Variants in ATOSB observed in about 807,000 individuals in gnomAD.
ATOSB encodes atos homolog protein B.
chr9:35,105,725 C>T, the ATOSB span: 4 of 1,614,062 alleles, frequency 2.5e-6, no homozygotes, highest in South Asian at 4.4e-5. The surrounding 1 kb of genome is among the most constrained non-coding windows in gnomAD (Gnocchi z 5.5). Context: ...GTGGGGTTAG[C>T]ATTTCCCTCC....
the ATOSB span, chr9:35,106,003 C>G: frequency 4.1e-5 from 66 of 1,613,200 alleles, no homozygotes; most frequent in Non-Finnish European, 5.6e-5. The surrounding 1 kb of genome is among the most constrained non-coding windows in gnomAD (Gnocchi z 4.6). Flanking sequence ...TTCAGATCCA[C>G]GATGCCCTGG....
the ATOSB span, chr9:35,110,812 C>T: frequency 6.6e-6 from 1 of 152,250 alleles, no homozygotes; most frequent in Non-Finnish European, 1.5e-5. Context: ...GGCTCATTCT[C>T]CCCTTCCCTT....
the ATOSB span, among the ~76,000 whole-genome samples, chr9:35,113,876 A>G: frequency 1.3e-5 from 2 of 152,168 alleles, no homozygotes; most frequent in East Asian, 3.9e-4. Context: ...TTCAATAAAC[A>G]TTGACTGAAG....
At chr9:35,107,340 A>AAC in the ATOSB span, 1 of 1,566,116 alleles carries the variant, frequency 6.4e-7, no homozygotes, top group Non-Finnish European at 8.6e-7. Context: ...AAAAAAAAAA[A>AAC]AAAGTAAAAA....
the ATOSB span, among the ~76,000 whole-genome samples, chr9:35,114,469 T>A: frequency 2.0e-5 from 3 of 150,620 alleles, no homozygotes; most frequent in Admixed American, 6.6e-5. Context: ...GTCACACTCA[T>A]TTAGCCACTG....
At chr9:35,104,891 A>G in the ATOSB span, 1 of 207,400 alleles carries the variant, frequency 4.8e-6, no homozygotes, top group Non-Finnish European at 9.6e-6. Flanking sequence ...TAAATAAAAT[A>G]ACAAGTGGCC....
the ATOSB span, chr9:35,108,526 G>A: frequency 8.1e-7 from 1 of 1,232,670 alleles, no homozygotes; most frequent in African/African-American, 1.6e-5. Context: ...CAGAACTCCT[G>A]AGAGGGTGAC....
chr9:35,106,149 T>A, the ATOSB span: 1 of 1,544,994 alleles, frequency 6.5e-7, no homozygotes, highest in Non-Finnish European at 8.8e-7. This position sits in a 1 kb window ranked among gnomAD's most constrained non-coding sequence, Gnocchi z 4.6. Context: ...CCTGACTCAC[T>A]TCTAGGTGAG....
At chr9:35,107,778 C>T in the ATOSB span, 1 of 1,564,432 alleles carries the variant, frequency 6.4e-7, no homozygotes, top group Non-Finnish European at 8.7e-7. Flanking sequence ...CCCCTGTCCC[C>T]CTGGATCTGG....
the ATOSB span, chr9:35,106,842 C>T: frequency 8.7e-5 from 136 of 1,569,552 alleles, no homozygotes; most frequent in Non-Finnish European, 1.1e-4. This position sits in a 1 kb window ranked among gnomAD's most constrained non-coding sequence, Gnocchi z 4.6. Flanking sequence ...CAGCTTCAGG[C>T]GACGGGCTCC....
the ATOSB span, chr9:35,105,397 A>T: frequency 6.3e-7 from 1 of 1,593,292 alleles, no homozygotes; most frequent in African/African-American, 1.3e-5. The surrounding 1 kb of genome is among the most constrained non-coding windows in gnomAD (Gnocchi z 5.5). Flanking sequence ...AATGTGATCA[A>T]CGTAAGAATC....
At chr9:35,108,261 T>C in the ATOSB span, 2 of 1,553,756 alleles carry the variant, frequency 1.3e-6, no homozygotes, top group African/African-American at 2.7e-5. Flanking sequence ...CGGCTCCGCC[T>C]GCACGTGGCG....
At chr9:35,110,167 A>C in the ATOSB span, 1 of 152,222 alleles carries the variant, frequency 6.6e-6, no homozygotes, top group African/African-American at 2.4e-5. Context: ...GGGATCCCTA[A>C]GAAAATCCTG....
At chr9:35,105,164 C>G in the ATOSB span, 14 of 1,552,040 alleles carry the variant, frequency 9.0e-6, no homozygotes, top group Non-Finnish European at 1.2e-5. This position sits in a 1 kb window ranked among gnomAD's most constrained non-coding sequence, Gnocchi z 5.5. Flanking sequence ...TATATGTTCT[C>G]TAAGATGGAG....
At chr9:35,107,668 C>A in the ATOSB span, 4 of 1,608,994 alleles carry the variant, frequency 2.5e-6, no homozygotes, top group South Asian at 1.1e-5. Flanking sequence ...CCCACCCCAG[C>A]CACTGGGCTC....
chr9:35,115,233 G>A, the ATOSB span, among the ~76,000 whole-genome samples: 1 of 152,034 alleles, frequency 6.6e-6, no homozygotes, highest in African/African-American at 2.4e-5. Context: ...GACAAGCAGG[G>A]TCTGACTCCT....
At chr9:35,105,938 C>T in the ATOSB span, 1 of 1,614,128 alleles carries the variant, frequency 6.2e-7, no homozygotes, top group Non-Finnish European at 8.5e-7. The surrounding 1 kb of genome is among the most constrained non-coding windows in gnomAD (Gnocchi z 5.5). Context: ...AGGGCAAACT[C>T]ACCACTTGGA....
At chr9:35,110,461 C>T in the ATOSB span, 1 of 149,782 alleles carries the variant, frequency 6.7e-6, no homozygotes, top group Non-Finnish European at 1.5e-5. Context: ...ACCCCAGAGC[C>T]CTCTCAGTTC....
chr9:35,106,680 G>A, the ATOSB span: 1 of 1,506,210 alleles, frequency 6.6e-7, no homozygotes, highest in Non-Finnish European at 9.0e-7. The surrounding 1 kb of genome is among the most constrained non-coding windows in gnomAD (Gnocchi z 4.6). Flanking sequence ...GTTGGCTTGA[G>A]GTATTCTGGG....
Sources: gnomAD v4.1 joint callset for allele counts (sites outside exome capture counted in the v4.1 genomes callset) on GRCh38, gnomAD v4.1.1 for gene constraint, Gnocchi (gnomAD v3.1) non-coding constraint, MANE v1.5 for transcripts, NCBI Gene and HGNC (gene_info 2026-07-23, HGNC 2026-07-21) for gene names.